PRDM1: variants seen among roughly 807,000 people sequenced by gnomAD.
PRDM1 encodes the protein PR domain zinc finger protein 1.
A neutral mutation model predicts 62.8 loss-of-function variants in PRDM1; 13 were observed. The ratio of observed to expected loss-of-function variants is 0.21; its 90% CI spans 0.13 to 0.33. PRDM1 has a LOEUF of 0.33. PRDM1 is among the 10% of genes least tolerant of loss of function. The pLI is 1.00. For missense variants in PRDM1, 895 were observed against 1,058.8 expected (o/e 0.85, Z 2.15); for synonymous variants, 396 against 417.6 (o/e 0.95, Z 0.63).
intron 2 of PRDM1, among the ~76,000 whole-genome samples, chr6:106,092,976 G>A (rs1417506360): frequency 1.3e-5 from 2 of 152,128 alleles, no homozygotes; most frequent in African/African-American, 2.4e-5. Flanking sequence ...ATATTAGGGC[G>A]CTCTGTCCCT....
chr6:106,003,880 T>A (rs1309321220), intron 1 of PRDM1, among the ~76,000 whole-genome samples: 1 of 152,218 alleles, frequency 6.6e-6, no homozygotes, highest in East Asian at 1.9e-4. Flanking sequence ...TCCAGTATTG[T>A]TGCTTTAATT....
intron 1 of PRDM1, among the ~76,000 whole-genome samples, chr6:106,028,229 C>T (rs1324291733): frequency 6.6e-6 from 1 of 152,178 alleles, no homozygotes; most frequent in Admixed American, 6.5e-5. Flanking sequence ...TGAGGTGGTC[C>T]AGTGTCTTTC....
exon 1 of PRDM1, among the ~76,000 whole-genome samples, chr6:106,048,682 A>G (rs1047969504): frequency 6.6e-6 from 1 of 152,122 alleles, no homozygotes; most frequent in Non-Finnish European, 1.5e-5. Flanking sequence ...TCAGGAGAGA[A>G]ATGTGTTTTA....
At chr6:106,008,807 A>G (rs1300474959) in intron 1 of PRDM1, among the ~76,000 whole-genome samples, 1 of 152,114 alleles carries the variant, frequency 6.6e-6, no homozygotes, top group Non-Finnish European at 1.5e-5. Context: ...GTTACTGGCC[A>G]TTGCCTGTAC....
rs949967427 is a variant in PRDM1 at position 106,063,725 on chromosome 6, G to C, written c.-67+15011G>C. Among the ~76,000 whole-genome samples, 9 of 152,298 alleles carry C rather than the reference G, an allele frequency of 5.9e-5. No individual in the cohort carries two copies. The East Asian group carries it at 1.3e-3, about 23-fold the overall frequency. On this transcript the variant is annotated intron_variant, in intron 1 of 6. Transcript: ENST00000651185. ...CTTGAGATTAAAAAGATGGGGCAAG[G>C]AGAACAGCTGACATGGAGGGTAGAA...
chr6:106,005,720 C>A (rs528751684), intron 1 of PRDM1, among the ~76,000 whole-genome samples: 1 of 152,016 alleles, frequency 6.6e-6, no homozygotes, highest in African/African-American at 2.4e-5. Flanking sequence ...TGTTTTTTGA[C>A]AAGGGATGGC....
At chr6:106,087,980 C>T (rs1033715430) in intron 1 of PRDM1, 76 of 141,638 alleles carry the variant, frequency 5.4e-4, no homozygotes, top group Middle Eastern at 4.7e-3. Flanking sequence ...TTGCCACATT[C>T]TTTTTTTTTT....
Position 106,108,682 on chromosome 6 carries a change from A to T in PRDM1, c.*1196A>T. ...CTTGGGGTAAAAGCGGGTAATGAAC[A>T]TTCCTATCCCCAACACATCAATTGT... On this transcript the variant is annotated 3_prime_UTR_variant, in exon 7 of 7. Transcript: ENST00000369096. 4.3e-6 allele frequency: 1 copy of T among 233,480 alleles called. No individual in the cohort carries two copies. The allele number at this position is 233,480 out of a possible 1,614,324, so 14.5% of individuals were successfully genotyped here.
intron 1 of PRDM1, among the ~76,000 whole-genome samples, chr6:106,042,863 G>A (rs537723952): frequency 1.3e-5 from 2 of 152,028 alleles, no homozygotes; most frequent in Admixed American, 6.6e-5. Flanking sequence ...ACACATTTTG[G>A]GGGGAGGATG....
Position 106,108,703 on chromosome 6 carries a change from A to ATTGTATTT in PRDM1, c.*1220_*1227dup. On this transcript the variant is annotated 3_prime_UTR_variant, in exon 7 of 7. Coordinates refer to ENST00000369096, the MANE Select transcript of PRDM1 (RefSeq NM_001198.4). Reference sequence around the variant, plus strand: ...GAACATTCCTATCCCCAACACATCAATTGTATTTTTTCTGTAAAACTCAGA... The same window carrying ATTGTATTT: ...GAACATTCCTATCCCCAACACATCAATTGTATTTTTGTATTTTTTCTGTAAAACTCAGA... The ATTGTATTT allele has an allele frequency of 4.3e-6, 1 of 232,402 alleles. No homozygotes were observed. Among genetic ancestry groups the ATTGTATTT allele is most frequent in the African/African-American group, 2.2e-5 (1 of 45,032 alleles). The allele number at this position is 232,402 out of a possible 1,614,324, so 14.4% of individuals were successfully genotyped here.
chr6:106,077,753 T>C (rs1773626602), intron 1 of PRDM1, among the ~76,000 whole-genome samples: 1 of 152,260 alleles, frequency 6.6e-6, no homozygotes, highest in Non-Finnish European at 1.5e-5. Flanking sequence ...ATATCATCAC[T>C]GGAGAAACCT....
At chr6:106,004,382 GA>G (rs1416211967) in intron 1 of PRDM1, among the ~76,000 whole-genome samples, 1 of 152,180 alleles carries the variant, frequency 6.6e-6, no homozygotes, top group Non-Finnish European at 1.5e-5. Context: ...TCTTGGTTTA[GA>G]AACCTTTTAT....
rs2114618175 is a variant in PRDM1, at chr6:106,088,391, A to G, written c.233A>G (p.Gln78Arg). Residue 78 changes from glutamine to arginine, a missense_variant, in exon 2 of 7, where the codon CAG becomes CGG. Coordinates refer to ENST00000369096, the MANE Select transcript of PRDM1 (RefSeq NM_001198.4). ...GGTGCTGATGGCGGTACTTCGGTTC[A>G]GGCGGAGGCATCCTTACCAAGGAAT... ...DSGADGGTSV[Q>R]AEASLPRNLL... 6.2e-7 allele frequency: 1 copy of G among 1,614,208 alleles called. No individual in the cohort carries two copies.
chr6:106,082,697 T>G (rs2114610334), upstream of PRDM1, among the ~76,000 whole-genome samples: 1 of 152,278 alleles, frequency 6.6e-6, no homozygotes, highest in African/African-American at 2.4e-5. Flanking sequence ...ACTTAATTTT[T>G]GTTTCCCTTA....
chr6:106,100,652 T>C (rs1582473037), intron 4 of PRDM1: 1 of 152,344 alleles, frequency 6.6e-6, no homozygotes, highest in East Asian at 1.9e-4. Flanking sequence ...ACCCTAGTCA[T>C]ATATAATCCA....
chr6:106,052,208 A>ATCAGTTATTATAATGTTG (rs6149739), intron 1 of PRDM1, among the ~76,000 whole-genome samples: 1 of 152,078 alleles, frequency 6.6e-6, no homozygotes, highest in African/African-American at 2.4e-5. Flanking sequence ...ATAAAGAAAT[A>ATCAGTTATTATAATGTTG]TTCAAAGACA....
intron 1 of PRDM1, among the ~76,000 whole-genome samples, chr6:106,041,498 TA>T (rs1345690398): frequency 1.3e-5 from 2 of 152,200 alleles, no homozygotes; most frequent in Non-Finnish European, 2.9e-5. Flanking sequence ...TAATACCTAC[TA>T]ATTATAGAGA....
At chr6:106,080,493 G>C (rs1368140963) in intron 1 of PRDM1, among the ~76,000 whole-genome samples, 1 of 152,180 alleles carries the variant, frequency 6.6e-6, no homozygotes, top group African/African-American at 2.4e-5. Flanking sequence ...AAAAGGTCCA[G>C]ATGGGAAGAA....
chr6:106,004,414 T>A (rs9486262), intron 1 of PRDM1, among the ~76,000 whole-genome samples: 7,208 of 152,318 alleles, frequency 0.047, 366 homozygotes, highest in African/African-American at 0.13. Context: ...TGAATGTAAC[T>A]ATTGACTAAT....
Sources: gnomAD v4.1 joint callset for allele counts (sites outside exome capture counted in the v4.1 genomes callset) on GRCh38, gnomAD v4.1.1 for gene constraint, MANE v1.5 for transcripts, NCBI Gene and HGNC (gene_info 2026-07-23, HGNC 2026-07-21) for gene names.